PAK4: variants seen among roughly 807,000 people sequenced by gnomAD.
PAK4 encodes the protein serine/threonine-protein kinase PAK 4.
Under a neutral mutation model 53.5 loss-of-function variants are expected in PAK4, and 49 were observed. That is an observed-to-expected ratio of 0.92 (90% CI 0.73 to 1.16). The LOEUF (loss-of-function observed/expected upper bound fraction) is 1.16, where lower values mean the gene tolerates loss of function less well. Ranked by LOEUF, PAK4 falls within the 50% of genes most tolerant of loss-of-function variation. The probability of loss-of-function intolerance (pLI) is 0.00; values close to 1 mark genes in which losing one functional copy is unlikely to be tolerated. For missense variants in PAK4, 824 were observed against 850.7 expected (o/e 0.97, Z 0.39); for synonymous variants, 376 against 375.6 (o/e 1.00, Z -0.01).
chr19:39,164,996 G>A (rs570279980), intron 1 of PAK4, among the ~76,000 whole-genome samples: 20 of 151,836 alleles, frequency 1.3e-4, no homozygotes, highest in Non-Finnish European at 2.4e-4. Context: ...AGCCATTGGG[G>A]AGGTGGGGGC....
At chr19:39,176,559 C>T in intron 6 of PAK4, 31 bp from the exon 8 acceptor site, 1 of 1,613,278 alleles carries the variant, frequency 6.2e-7, no homozygotes. Flanking sequence ...GTGCCAGCTC[C>T]TCTGACCCCA....
At chr19:39,164,120 T>C (rs2074329221) in intron 1 of PAK4, among the ~76,000 whole-genome samples, 1 of 151,714 alleles carries the variant, frequency 6.6e-6, no homozygotes, top group Non-Finnish European at 1.5e-5. Context: ...CTACTAAGAA[T>C]ACATAAATTA....
chr19:39,155,329 G>C (rs950342094), intron 1 of PAK4, among the ~76,000 whole-genome samples: 1 of 152,200 alleles, frequency 6.6e-6, no homozygotes, highest in African/African-American at 2.4e-5. Flanking sequence ...CTCAGTGAAT[G>C]AATGAGAGGC....
chr19:39,159,607 C>T (rs964858817), intron 1 of PAK4, among the ~76,000 whole-genome samples: 15 of 152,170 alleles, frequency 9.9e-5, no homozygotes, highest in Non-Finnish European at 2.1e-4. Context: ...AGGCTGGTCT[C>T]GAACTCCTGA....
intron 1 of PAK4, chr19:39,167,983 T>C (rs941459611): frequency 6.6e-6 from 1 of 152,326 alleles, no homozygotes; most frequent in Non-Finnish European, 1.5e-5. Flanking sequence ...CTTCCCCTCT[T>C]CCTGGAAGCC....
At chr19:39,149,764 G>GA (rs2074063588) in intron 1 of PAK4, among the ~76,000 whole-genome samples, 1 of 152,194 alleles carries the variant, frequency 6.6e-6, no homozygotes, top group South Asian at 2.1e-4. Context: ...GCTGAGGCAT[G>GA]AGAATGGCTA....
chr19:39,142,325 G>A (rs1448080909), intron 1 of PAK4, among the ~76,000 whole-genome samples: 2 of 152,218 alleles, frequency 1.3e-5, no homozygotes, highest in African/African-American at 2.4e-5. Context: ...TCTGATGCAG[G>A]TTCAGTTTCT....
intron 4 of PAK4, 69 bp downstream of exon 5, chr19:39,174,079 T>G: frequency 1.3e-6 from 1 of 784,932 alleles, no homozygotes; most frequent in Non-Finnish European, 1.8e-6. Context: ...CCTCCCCTCC[T>G]CCCTCCTCTC....
chr19:39,172,830 C>T (rs1171004471), intron 2 of PAK4, 88 bp from the exon 4 acceptor site: 5 of 1,087,090 alleles, frequency 4.6e-6, no homozygotes, highest in Non-Finnish European at 5.3e-6. Flanking sequence ...CTGTGTGTGT[C>T]GTGCTGTCCT....
At chr19:39,154,764 G>A (rs550362157) in intron 1 of PAK4, among the ~76,000 whole-genome samples, 5 of 152,270 alleles carry the variant, frequency 3.3e-5, no homozygotes, top group Admixed American at 1.3e-4. Flanking sequence ...GCTGCCCCAC[G>A]TGGCTCCTCT....
chr19:39,134,943 A>G (rs34110379), intron 1 of PAK4: 40,087 of 152,210 alleles, frequency 0.26, 5,376 homozygotes, highest in East Asian at 0.4. Flanking sequence ...TGCTGCGCTG[A>G]TGCGAGCCAT....
At chr19:39,133,130 T>C (rs2073745048) in intron 1 of PAK4, among the ~76,000 whole-genome samples, 2 of 152,182 alleles carry the variant, frequency 1.3e-5, no homozygotes, top group South Asian at 4.1e-4. Context: ...CAGCTTTGTC[T>C]CTTACTAGCA....
At chr19:39,147,197 C>T (rs1476366376) in intron 1 of PAK4, among the ~76,000 whole-genome samples, 1 of 152,148 alleles carries the variant, frequency 6.6e-6, no homozygotes, top group African/African-American at 2.4e-5. Flanking sequence ...GGCAACCACT[C>T]ATCTGTCTAT....
Position 39,176,574 on chromosome 19 carries a change from C to G in PAK4, c.1360-16C>G. Reference sequence around the variant, plus strand: ...GTGCCAGCTCCTCTGACCCCACTGCCTCTGCCCTGTCCCAGGTGAAGCTGT... The same window carrying G: ...GTGCCAGCTCCTCTGACCCCACTGCGTCTGCCCTGTCCCAGGTGAAGCTGT... On this transcript the variant is annotated splice_polypyrimidine_tract_variant and intron_variant, in intron 6 of 8. Transcript: ENST00000358301. 2.5e-6 allele frequency: 4 copies of G among 1,613,626 alleles called. No individual in the cohort carries two copies. The highest frequency in any genetic ancestry group is 3.4e-6 in the Non-Finnish European group (4 of 1,179,992).
At chr19:39,154,211 T>G (rs1568510375) in intron 1 of PAK4, among the ~76,000 whole-genome samples, 1 of 152,180 alleles carries the variant, frequency 6.6e-6, no homozygotes, top group Non-Finnish European at 1.5e-5. Flanking sequence ...TGCTGGAGTG[T>G]GTACCCAGGA....
chr19:39,147,850 T>G (rs1214926796), intron 1 of PAK4, among the ~76,000 whole-genome samples: 2 of 147,380 alleles, frequency 1.4e-5, no homozygotes, highest in East Asian at 1.9e-4. Flanking sequence ...GGTTTTTTTT[T>G]TTTTTTTTTT....
chr19:39,131,373 G>A (rs892322527), intron 1 of PAK4, among the ~76,000 whole-genome samples: 8 of 151,972 alleles, frequency 5.3e-5, no homozygotes, highest in African/African-American at 1.7e-4. Flanking sequence ...TCTACTCCTC[G>A]TCCCACTGGC....
At position 39,173,729 on chromosome 19, in the gene PAK4, C is replaced by T. The variant is rs771680726; in HGVS notation, c.817C>T (p.Pro273Ser). The change falls in exon 4 of 9, where the codon CCT becomes TCT. Residue 273 changes from proline to serine, a missense_variant. Physicochemically the swap from Pro to Ser is moderately conservative, Grantham distance 74. Transcript: ENST00000358301. This position sits in a 1 kb window ranked among gnomAD's most constrained non-coding sequence, Gnocchi z 6.9. ...CCACGCCTCAGAGCCCCAGCTGGCCCCTCCAGCCTGCACCCCCGCCGCCCC... is the reference window on the plus strand; with the variant it reads ...CCACGCCTCAGAGCCCCAGCTGGCCTCTCCAGCCTGCACCCCCGCCGCCCC... 1.9e-6 allele frequency: 3 copies of T among 1,577,078 alleles called. No individual in the cohort carries two copies. The highest frequency in any genetic ancestry group is 2.6e-6 in the Non-Finnish European group (3 of 1,164,398).
chr19:39,126,738 T>C lies in PAK4; in HGVS notation c.-23+819T>C, dbSNP rs568350422. Among the ~76,000 whole-genome samples the C allele has an allele frequency of 9.6e-4, 146 of 152,216 alleles. 2 individuals carry two copies. Among genetic ancestry groups the C allele is most frequent in the Admixed American group, 6.7e-3 (103 of 15,298 alleles). ...CTCTGGCCGACCGCCTCTCAAATCA[T>C]CATAATGTCGGTTAATGTTTAATGA... On this transcript the variant is annotated intron_variant, in intron 1 of 8. Coordinates refer to ENST00000358301, the Ensembl canonical transcript of PAK4.
Sources: gnomAD v4.1 joint callset for allele counts (sites outside exome capture counted in the v4.1 genomes callset) on GRCh38, gnomAD v4.1.1 for gene constraint, Gnocchi (gnomAD v3.1) non-coding constraint, MANE v1.5 for transcripts, NCBI Gene and HGNC (gene_info 2026-07-23, HGNC 2026-07-21) for gene names.